LARGE1: variants seen among roughly 807,000 people sequenced by gnomAD.
The protein encoded by LARGE1 is LARGE xylosyl- and glucuronyltransferase 1.
Under a neutral mutation model 87.6 loss-of-function variants are expected in LARGE1, and 43 were observed. That is an observed-to-expected ratio of 0.49 (90% CI 0.38 to 0.63). The LOEUF (loss-of-function observed/expected upper bound fraction) is 0.63, where lower values mean the gene tolerates loss of function less well. LARGE1 is among the 30% of genes least tolerant of loss of function. The probability of loss-of-function intolerance (pLI) is 0.00; values close to 1 mark genes in which losing one functional copy is unlikely to be tolerated. For missense variants in LARGE1, 802 were observed against 1,000.2 expected (o/e 0.80, Z 2.67); for synonymous variants, 434 against 394.6 (o/e 1.10, Z -1.18).
intron 1 of LARGE1, among the ~76,000 whole-genome samples, chr22:33,795,498 T>A (rs914869440): frequency 6.6e-6 from 1 of 151,896 alleles, no homozygotes; most frequent in African/African-American, 2.4e-5. Context: ...CTGTGGACCA[T>A]CCCATTACTG....
At chr22:33,325,867 G>C (rs1200890858) in intron 10 of LARGE1, among the ~76,000 whole-genome samples, 1 of 152,190 alleles carries the variant, frequency 6.6e-6, no homozygotes, top group East Asian at 1.9e-4. Context: ...GCTTGCATGA[G>C]ACAGGCAAGG....
At chr22:33,855,508 G>A (rs925472129) in intron 1 of LARGE1, among the ~76,000 whole-genome samples, 2 of 152,072 alleles carry the variant, frequency 1.3e-5, no homozygotes, top group African/African-American at 4.8e-5. Flanking sequence ...GGCCCATCAC[G>A]CCTCACCAGG....
intron 1 of LARGE1, among the ~76,000 whole-genome samples, chr22:33,769,314 A>G (rs2084996331): frequency 6.6e-6 from 1 of 152,166 alleles, no homozygotes; most frequent in Non-Finnish European, 1.5e-5. Context: ...GGCTAAAGAC[A>G]CTGACTTAGT....
At chr22:33,187,327 C>T (rs1432623470) in intron 11 of LARGE1, among the ~76,000 whole-genome samples, 1 of 152,172 alleles carries the variant, frequency 6.6e-6, no homozygotes, top group Non-Finnish European at 1.5e-5. Flanking sequence ...GAAGGAAATC[C>T]TGTCATTTGT....
downstream of LARGE1, among the ~76,000 whole-genome samples, chr22:33,159,219 C>G (rs1031010854): frequency 6.6e-6 from 1 of 152,158 alleles, no homozygotes; most frequent in African/African-American, 2.4e-5. Context: ...AATTGTCTGA[C>G]AGTTCTCTGA....
intron 1 of LARGE1, among the ~76,000 whole-genome samples, chr22:33,851,219 A>G (rs1057468835): frequency 6.6e-6 from 1 of 152,232 alleles, no homozygotes; most frequent in Non-Finnish European, 1.5e-5. Flanking sequence ...GGACTTGTTA[A>G]CAGCTCATAT....
intron 6 of LARGE1, among the ~76,000 whole-genome samples, chr22:33,548,219 A>G (rs2077420165): frequency 6.6e-6 from 1 of 152,132 alleles, no homozygotes; most frequent in African/African-American, 2.4e-5. Context: ...TTTTTAAAAA[A>G]TGTGTGGCAC....
At position 33,671,396 on chromosome 22, in the gene LARGE1, C is replaced by T. The variant is rs555674806; in HGVS notation, c.107-20728G>A. ...ACACTGAACCAAAGTAAATACTATA[C>T]GTAAAGTGTAAAATGCTTTACGAAG... On this transcript the variant is annotated intron_variant, in intron 2 of 14. Coordinates refer to ENST00000397394, the MANE Select transcript of LARGE1 (RefSeq NM_133642.5). 1.5e-4 allele frequency among the ~76,000 whole-genome samples: 23 copies of T among 152,316 alleles called. No homozygotes were observed. In the South Asian group the frequency reaches 2.1e-3, roughly 14 times the overall value.
chr22:33,659,420 T>C (rs1442028863), intron 2 of LARGE1, among the ~76,000 whole-genome samples: 2 of 152,184 alleles, frequency 1.3e-5, no homozygotes, highest in African/African-American at 2.4e-5. Context: ...TTAATTTTGA[T>C]CATGAGATGT....
intron 6 of LARGE1, among the ~76,000 whole-genome samples, chr22:33,519,972 C>G (rs145268091): frequency 2.1e-5 from 3 of 143,414 alleles, no homozygotes; most frequent in African/African-American, 7.7e-5. Flanking sequence ...AGAGACTGTT[C>G]GTCTATCTGT....
chr22:33,403,069 C>T (rs1225049676), intron 7 of LARGE1, among the ~76,000 whole-genome samples: 1 of 151,998 alleles, frequency 6.6e-6, no homozygotes, highest in Non-Finnish European at 1.5e-5. Flanking sequence ...ACAACAACAA[C>T]AACAAAATAC....
At chr22:33,788,222 G>A (rs1443416444) in intron 1 of LARGE1, among the ~76,000 whole-genome samples, 1 of 152,138 alleles carries the variant, frequency 6.6e-6, no homozygotes, top group African/African-American at 2.4e-5. Context: ...CATGAGATCC[G>A]ATGGTTTTAT....
chr22:33,076,478 G>A, the LARGE1 span, among the ~76,000 whole-genome samples: 1 of 152,154 alleles, frequency 6.6e-6, no homozygotes, highest in Admixed American at 6.5e-5. Context: ...ATATTTTTGA[G>A]TACCTAATTG....
chr22:33,189,329 T>C (rs574407650), intron 11 of LARGE1, among the ~76,000 whole-genome samples: 2 of 152,312 alleles, frequency 1.3e-5, no homozygotes, highest in East Asian at 3.9e-4. Flanking sequence ...ACACAGTGAC[T>C]TGGATTTTCC....
At chr22:33,327,579 G>A (rs956914455) in intron 10 of LARGE1, among the ~76,000 whole-genome samples, 8 of 152,152 alleles carry the variant, frequency 5.3e-5, no homozygotes, top group Non-Finnish European at 8.8e-5. Context: ...CTAGGGCCAC[G>A]GGGTCTTGCT....
At chr22:33,514,058 G>C (rs988629054) in intron 6 of LARGE1, among the ~76,000 whole-genome samples, 3 of 152,188 alleles carry the variant, frequency 2.0e-5, no homozygotes, top group Non-Finnish European at 4.4e-5. Context: ...ATATAGCCTA[G>C]ATGTGTGGGA....
At chr22:33,912,668 G>T (rs1031678006) in intron 1 of LARGE1, among the ~76,000 whole-genome samples, 1 of 151,982 alleles carries the variant, frequency 6.6e-6, no homozygotes, top group African/African-American at 2.4e-5. Context: ...TGCAACTCCA[G>T]GTTGCCCAAA....
At chr22:33,149,613 A>C in the LARGE1 span, among the ~76,000 whole-genome samples, 1 of 152,212 alleles carries the variant, frequency 6.6e-6, no homozygotes, top group East Asian at 1.9e-4. Context: ...TCTGTAGGTC[A>C]AAAGTCCTGA....
chr22:33,794,521 T>C (rs569583695), intron 1 of LARGE1, among the ~76,000 whole-genome samples: 1 of 152,330 alleles, frequency 6.6e-6, no homozygotes, highest in East Asian at 1.9e-4. Flanking sequence ...CAGTCTATCC[T>C]TTTACTGCTG....
Sources: allele counts gnomAD v4.1 joint callset (sites outside exome capture counted in the v4.1 genomes callset), GRCh38; gene constraint gnomAD v4.1.1; transcripts MANE v1.5; gene names NCBI Gene and HGNC (gene_info 2026-07-23, HGNC 2026-07-21).